DKK2: variants seen among roughly 807,000 people sequenced by gnomAD.
DKK2 encodes the protein dickkopf-related protein 2.
Under a neutral mutation model 28.1 loss-of-function variants are expected in DKK2, and 11 were observed. The ratio of observed to expected loss-of-function variants is 0.39; its 90% CI spans 0.25 to 0.65. DKK2 has a LOEUF of 0.65. DKK2 is among the 30% of genes least tolerant of loss of function. The pLI is 0.47. For synonymous variants in DKK2, 135 were observed against 126.5 expected (o/e 1.07, Z -0.45); for missense variants, 326 against 335.5 (o/e 0.97, Z 0.22).
At chr4:106,952,711 T>C (rs978944482) in intron 1 of DKK2, among the ~76,000 whole-genome samples, 2 of 152,162 alleles carry the variant, frequency 1.3e-5, no homozygotes, top group Non-Finnish European at 2.9e-5. Context: ...AATGATAATA[T>C]GTTTAATTTA....
At chr4:106,997,932 C>A (rs1195367765) in intron 1 of DKK2, among the ~76,000 whole-genome samples, 1 of 152,178 alleles carries the variant, frequency 6.6e-6, no homozygotes, top group Non-Finnish European at 1.5e-5. Context: ...TGTTACCTAA[C>A]TATTGTTCTC....
intron 1 of DKK2, among the ~76,000 whole-genome samples, chr4:106,958,412 C>G (rs1722634850): frequency 6.6e-6 from 1 of 152,052 alleles, no homozygotes; most frequent in Non-Finnish European, 1.5e-5. Flanking sequence ...GTTATATCTC[C>G]TCCACCCCTT....
intron 2 of DKK2, 111 bp from the exon 3 acceptor site, chr4:106,924,811 A>C: frequency 9.5e-7 from 1 of 1,052,380 alleles, no homozygotes; most frequent in South Asian, 1.9e-5. Flanking sequence ...CTGTGTATCT[A>C]TCTATCTATC....
At chr4:107,014,487 A>G (rs112802140) in intron 1 of DKK2, among the ~76,000 whole-genome samples, 4,165 of 151,498 alleles carry the variant, frequency 0.027, 190 homozygotes, top group African/African-American at 0.093. Context: ...AGACTAAGAA[A>G]GGAGGGGAGC....
At chr4:106,977,779 G>T (rs553171453) in intron 1 of DKK2, among the ~76,000 whole-genome samples, 6 of 152,268 alleles carry the variant, frequency 3.9e-5, no homozygotes, top group African/African-American at 1.4e-4. Context: ...TTGTTCCCTT[G>T]TTGGGAGGAA....
intron 1 of DKK2, among the ~76,000 whole-genome samples, chr4:106,954,372 A>G (rs1722554300): frequency 1.3e-5 from 2 of 152,180 alleles, no homozygotes; most frequent in Non-Finnish European, 2.9e-5. Context: ...CATATATACT[A>G]TCAAAAATTT....
intron 1 of DKK2, among the ~76,000 whole-genome samples, chr4:107,019,189 GA>G (rs1443534261): frequency 6.6e-6 from 1 of 151,814 alleles, no homozygotes; most frequent in African/African-American, 2.4e-5. Context: ...TCCAACTTGG[GA>G]AAAAACCAAT....
chr4:106,985,462 T>C (rs1487511420), intron 1 of DKK2, among the ~76,000 whole-genome samples: 2 of 152,030 alleles, frequency 1.3e-5, no homozygotes, highest in Non-Finnish European at 2.9e-5. Flanking sequence ...CTTTACATTA[T>C]TTATTACGAC....
chr4:106,943,710 C>T (rs1252382294), intron 1 of DKK2, among the ~76,000 whole-genome samples: 1 of 152,096 alleles, frequency 6.6e-6, no homozygotes, highest in African/African-American at 2.4e-5. Flanking sequence ...TACATTTCTA[C>T]AGATGATCAT....
intron 2 of DKK2, among the ~76,000 whole-genome samples, chr4:106,924,936 G>T (rs1724405108): frequency 6.6e-6 from 1 of 152,170 alleles, no homozygotes; most frequent in Non-Finnish European, 1.5e-5. Flanking sequence ...GGACAAAACT[G>T]GGAATAAAAG....
intron 1 of DKK2, among the ~76,000 whole-genome samples, chr4:106,973,629 G>A (rs1350971115): frequency 6.6e-6 from 1 of 151,894 alleles, no homozygotes; most frequent in Non-Finnish European, 1.5e-5. Context: ...AGCTTCTGGA[G>A]ATTAGCCCTT....
intron 1 of DKK2, among the ~76,000 whole-genome samples, chr4:106,962,412 C>A (rs904237270): frequency 6.6e-6 from 1 of 151,266 alleles, no homozygotes; most frequent in Non-Finnish European, 1.5e-5. Context: ...CATTGACAGC[C>A]AACTGATTTT....
At chr4:106,990,258 A>G (rs1464168365) in intron 1 of DKK2, among the ~76,000 whole-genome samples, 1 of 152,228 alleles carries the variant, frequency 6.6e-6, no homozygotes, top group East Asian at 1.9e-4. Context: ...CAAGAGGTCA[A>G]TAGCCACATG....
intron 1 of DKK2, among the ~76,000 whole-genome samples, chr4:106,941,898 T>C (rs752044610): frequency 2.6e-5 from 4 of 152,144 alleles, no homozygotes; most frequent in South Asian, 2.1e-4. Context: ...ATTAAAATAC[T>C]TTTCTAAAAA....
chr4:106,971,426 A>C (rs1722867073), intron 1 of DKK2, among the ~76,000 whole-genome samples: 1 of 152,114 alleles, frequency 6.6e-6, no homozygotes, highest in Non-Finnish European at 1.5e-5. Context: ...AATAACTGTA[A>C]GATTAATGAC....
intron 1 of DKK2, among the ~76,000 whole-genome samples, chr4:106,976,226 G>A (rs1410406983): frequency 6.6e-5 from 10 of 152,120 alleles, no homozygotes; most frequent in Admixed American, 4.6e-4. Flanking sequence ...GTTGATTTGG[G>A]GTGGAGAGTT....
intron 1 of DKK2, among the ~76,000 whole-genome samples, chr4:106,975,040 A>C (rs1722922619): frequency 6.6e-6 from 1 of 152,172 alleles, no homozygotes; most frequent in African/African-American, 2.4e-5. Flanking sequence ...GCGATGGGTT[A>C]CATTTGTTGA....
intron 1 of DKK2, among the ~76,000 whole-genome samples, chr4:106,964,858 T>G (rs1039230644): frequency 1.1e-4 from 16 of 152,020 alleles, no homozygotes; most frequent in Non-Finnish European, 1.9e-4. Context: ...TTTTTGGACT[T>G]GTCAGTCCCA....
At chr4:106,925,291 A>G (rs917963094) in intron 2 of DKK2, among the ~76,000 whole-genome samples, 1 of 152,210 alleles carries the variant, frequency 6.6e-6, no homozygotes, top group African/African-American at 2.4e-5. Flanking sequence ...GATCCATTTC[A>G]TCATTATTAC....
Sources: allele counts gnomAD v4.1 joint callset (sites outside exome capture counted in the v4.1 genomes callset), GRCh38; gene constraint gnomAD v4.1.1; transcripts MANE v1.5; gene names NCBI Gene and HGNC (gene_info 2026-07-23, HGNC 2026-07-21).